Variants in LY96 observed in about 807,000 individuals in gnomAD.
LY96 encodes lymphocyte antigen 96, also known as myeloid differentiation protein-2.
LY96 carries 18 observed loss-of-function variants against 18.9 expected under a neutral mutation model. The ratio of observed to expected loss-of-function variants is 0.95; its 90% confidence interval spans 0.66 to 1.41. The LOEUF (loss-of-function observed/expected upper bound fraction) is 1.41, where lower values mean the gene tolerates loss of function less well. Among genes scored for constraint, LY96 ranks in the 40% most tolerant of loss-of-function variants. The pLI is 0.00. For missense variants in LY96, 175 were observed against 182.4 expected (o/e 0.96, Z 0.23); for synonymous variants, 66 against 62.6 (o/e 1.06, Z -0.26).
At chr8:74,043,571 A>G in the LY96 span, among the ~76,000 whole-genome samples, 1 of 152,296 alleles carries the variant, frequency 6.6e-6, no homozygotes, top group Non-Finnish European at 1.5e-5. Context: ...GGAGGTTGAC[A>G]CATGTGTATT....
chr8:73,992,612 G>T (rs925967045), intron 1 of LY96, among the ~76,000 whole-genome samples: 3 of 152,092 alleles, frequency 2.0e-5, no homozygotes, highest in African/African-American at 7.2e-5. Context: ...CGGGAAATTG[G>T]GATAATTGCC....
At chr8:74,021,585 G>A (rs1816761211) in intron 3 of LY96, among the ~76,000 whole-genome samples, 1 of 152,062 alleles carries the variant, frequency 6.6e-6, no homozygotes, top group African/African-American at 2.4e-5. Context: ...ATACCCAAAG[G>A]GTTATAAATC....
chr8:74,034,071 C>A (rs1380212361), downstream of LY96, among the ~76,000 whole-genome samples: 3 of 152,264 alleles, frequency 2.0e-5, no homozygotes, highest in East Asian at 5.8e-4. Context: ...ATACATTGGT[C>A]TTACTATAAT....
At chr8:74,050,304 C>G in the LY96 span, among the ~76,000 whole-genome samples, 2 of 151,938 alleles carry the variant, frequency 1.3e-5, no homozygotes, top group African/African-American at 4.8e-5. Context: ...GATAGCACCA[C>G]TGTACTTCAG....
the LY96 span, among the ~76,000 whole-genome samples, chr8:74,083,873 G>T: frequency 6.6e-6 from 1 of 151,736 alleles, no homozygotes; most frequent in Non-Finnish European, 1.5e-5. Context: ...TTTTTTTAGA[G>T]ATGGGGTCTC....
the LY96 span, among the ~76,000 whole-genome samples, chr8:74,074,807 G>T: frequency 1.3e-5 from 2 of 152,028 alleles, no homozygotes; most frequent in Non-Finnish European, 2.9e-5. Flanking sequence ...AATTCCTCTT[G>T]TTATTGATTT....
chr8:74,004,716 T>A lies in LY96; in HGVS notation c.113-80T>A, dbSNP rs1816372698. On this transcript the variant is annotated intron_variant, in intron 1 of 4. Transcript: ENST00000284818. ...TATAATTTTAATGCAAGATTCATCTTAAAAGGCTGATATTCAGAATACTAT... is the reference window on the plus strand; with the variant it reads ...TATAATTTTAATGCAAGATTCATCTAAAAAGGCTGATATTCAGAATACTAT... 18 of 1,289,750 alleles carry A rather than the reference T, an allele frequency of 1.4e-5. No homozygotes were observed. The South Asian group carries it at 2.2e-4, about 16-fold the overall frequency. The allele number at this position is 1,289,750 out of a possible 1,614,324, so 79.9% of individuals were successfully genotyped here. A position where few individuals can be genotyped will look rare whatever the true frequency, so the allele number is the denominator to read the frequency against.
chr8:73,998,753 G>A (rs1816201711), intron 1 of LY96, among the ~76,000 whole-genome samples: 1 of 152,106 alleles, frequency 6.6e-6, no homozygotes, highest in South Asian at 2.1e-4. Context: ...GGATCTGTAG[G>A]ACACTTTGAA....
rs1563710943 is a variant in LY96, at chr8:74,002,093, T to TTCTTTCTTTCTCTCTCTC, written c.113-2700_113-2699insTTCTTTCTCTCTCTCTCT. Reference sequence around the variant, plus strand: ...TTCCTTCCTTTCTTTCTTTCTTTCTTTCTCTCTCTCTCTCTCTCTCTCTCT... The same window carrying TTCTTTCTTTCTCTCTCTC: ...TTCCTTCCTTTCTTTCTTTCTTTCTTTCTTTCTTTCTCTCTCTCTCTCTCTCTCTCTCTCTCTCTCTCT... On this transcript the variant is annotated intron_variant, in intron 1 of 4. Coordinates refer to ENST00000284818, the MANE Select transcript of LY96 (RefSeq NM_015364.5). Among the ~76,000 whole-genome samples the TTCTTTCTTTCTCTCTCTC allele has an allele frequency of 1.3e-4, 5 of 38,700 alleles. 1 individual carries two copies. Among genetic ancestry groups the TTCTTTCTTTCTCTCTCTC allele is most frequent in the African/African-American group, 7.8e-4 (5 of 6,448 alleles). 25.4% of individuals were successfully genotyped at this position (38,700 alleles called of 152,430 possible).
chr8:74,001,652 G>A (rs62509332), intron 1 of LY96, among the ~76,000 whole-genome samples: 44,801 of 151,480 alleles, frequency 0.3, 6,867 homozygotes, highest in Admixed American at 0.36. Flanking sequence ...AGGAGTTCAA[G>A]ACCAGCCTGG....
chr8:74,031,259 T>C (rs77768557), downstream of LY96, among the ~76,000 whole-genome samples: 1 of 152,188 alleles, frequency 6.6e-6, no homozygotes, highest in Non-Finnish European at 1.5e-5. Flanking sequence ...CTCTTTCTTT[T>C]CTCTTCTGCC....
chr8:74,015,939 G>A (rs113382383), intron 3 of LY96, among the ~76,000 whole-genome samples: 8,559 of 152,258 alleles, frequency 0.056, 785 homozygotes, highest in African/African-American at 0.19. Flanking sequence ...AGCTCCCAGC[G>A]TGATCGACAC....
the LY96 span, among the ~76,000 whole-genome samples, chr8:74,047,967 C>A: frequency 6.6e-6 from 1 of 152,140 alleles, no homozygotes; most frequent in Admixed American, 6.5e-5. Flanking sequence ...TCACAGCTTA[C>A]AGCTCACTGC....
At chr8:74,095,407 C>T in the LY96 span, among the ~76,000 whole-genome samples, 251 of 152,258 alleles carry the variant, frequency 1.6e-3, 1 homozygote, top group African/African-American at 5.8e-3. Context: ...TTCCTCCATC[C>T]CTCCCTATAG....
At chr8:74,039,068 A>G in the LY96 span, among the ~76,000 whole-genome samples, 1 of 152,212 alleles carries the variant, frequency 6.6e-6, no homozygotes, top group Non-Finnish European at 1.5e-5. Context: ...GATAAAAGCC[A>G]TTTAACTGGG....
the LY96 span, among the ~76,000 whole-genome samples, chr8:74,093,859 C>A: frequency 1.3e-5 from 2 of 152,106 alleles, no homozygotes; most frequent in African/African-American, 4.8e-5. Context: ...TTTTGAATTT[C>A]ATAAATGAAT....
chr8:74,083,109 T>A, the LY96 span, among the ~76,000 whole-genome samples: 5 of 152,200 alleles, frequency 3.3e-5, no homozygotes, highest in Non-Finnish European at 7.3e-5. Flanking sequence ...CAGATGTTTA[T>A]ATGTATCTAT....
At chr8:74,023,173 G>T (rs75276516) in intron 3 of LY96, among the ~76,000 whole-genome samples, 3,583 of 152,196 alleles carry the variant, frequency 0.024, 136 homozygotes, top group African/African-American at 0.08. Context: ...TGGCACCATG[G>T]GATCCCCTCC....
At chr8:74,030,373 C>G (rs1029153107), downstream of LY96, among the ~76,000 whole-genome samples, 1 of 152,098 alleles carries the variant, frequency 6.6e-6, no homozygotes, top group East Asian at 1.9e-4. Flanking sequence ...ATTAGCTGGG[C>G]CTGGTGGCAT....
Sources: gnomAD v4.1 joint callset for allele counts (sites outside exome capture counted in the v4.1 genomes callset) on GRCh38, gnomAD v4.1.1 for gene constraint, MANE v1.5 for transcripts, NCBI Gene and HGNC (gene_info 2026-07-23, HGNC 2026-07-21) for gene names.